Variants in CNIH3 observed in about 807,000 individuals in gnomAD.
CNIH3 encodes the protein protein cornichon homolog 3.
In CNIH3, 14 loss-of-function variants were observed where a neutral mutation model predicts 24.1. That is an observed-to-expected ratio of 0.58 (90% CI 0.38 to 0.91). The LOEUF (loss-of-function observed/expected upper bound fraction) is 0.91. Ranked by LOEUF, CNIH3 falls within the 40% of genes least tolerant of loss-of-function variation. The pLI is 0.00. For synonymous variants in CNIH3, 68 were observed against 73.8 expected (o/e 0.92, Z 0.40); for missense variants, 178 against 196.8 (o/e 0.90, Z 0.57).
chr1:224,455,029 T>C (rs1259026703), intron 1 of CNIH3, among the ~76,000 whole-genome samples: 3 of 152,158 alleles, frequency 2.0e-5, no homozygotes, highest in African/African-American at 7.2e-5. Context: ...CGAAAATGCA[T>C]TTAATCCACC....
intron 1 of CNIH3, among the ~76,000 whole-genome samples, chr1:224,667,095 T>C (rs1339256112): frequency 6.6e-6 from 1 of 152,156 alleles, no homozygotes; most frequent in Admixed American, 6.5e-5. Flanking sequence ...GCCTCATACA[T>C]AGTAAGTGCT....
intron 3 of CNIH3, among the ~76,000 whole-genome samples, chr1:224,690,093 T>C (rs994637808): frequency 2.0e-5 from 3 of 152,192 alleles, no homozygotes; most frequent in African/African-American, 7.2e-5. Flanking sequence ...TGAGCCCAAA[T>C]GATTGGTATG....
intron 1 of CNIH3, among the ~76,000 whole-genome samples, chr1:224,520,768 C>T (rs1045746296): frequency 6.6e-6 from 1 of 152,142 alleles, no homozygotes; most frequent in Non-Finnish European, 1.5e-5. Context: ...TTATTCCTTG[C>T]CTGCCACAGC....
chr1:224,471,978 G>A (rs1269864964), intron 1 of CNIH3, among the ~76,000 whole-genome samples: 2 of 152,086 alleles, frequency 1.3e-5, no homozygotes, highest in African/African-American at 2.4e-5. Flanking sequence ...TAGACACTTA[G>A]GTTGCTTCCA....
intron 1 of CNIH3, among the ~76,000 whole-genome samples, chr1:224,651,244 T>C (rs1684843188): frequency 6.6e-6 from 1 of 151,706 alleles, no homozygotes; most frequent in Non-Finnish European, 1.5e-5. Context: ...GTATGGGGAG[T>C]ATTTTCCTGA....
intron 1 of CNIH3, among the ~76,000 whole-genome samples, chr1:224,485,224 T>C (rs544802327): frequency 4.4e-4 from 67 of 152,320 alleles, no homozygotes; most frequent in Admixed American, 1.2e-3. Context: ...TCCAAGATGG[T>C]AGCTTTTCTT....
rs188075757 is a variant in CNIH3 at position 224,570,560 on chromosome 1, T to C, written n.516+4296T>C. On this transcript the variant is annotated intron_variant and non_coding_transcript_variant, in intron 4 of 5. Coordinates refer to the CNIH3 transcript ENST00000471578. ...AAGATGTCTTTTTCTTATAGACTTA[T>C]ATGACTTCTTTATGTATTTTGATAC... Among the ~76,000 whole-genome samples, 6 of 152,356 alleles carry C rather than the reference T, an allele frequency of 3.9e-5. No individual in the cohort carries two copies. In the East Asian group the frequency reaches 9.6e-4, roughly 24 times the overall value.
intron 1 of CNIH3, among the ~76,000 whole-genome samples, chr1:224,666,483 TTAA>T (rs1685602797): frequency 6.6e-6 from 1 of 152,242 alleles, no homozygotes; most frequent in African/African-American, 2.4e-5. Context: ...TAGAAGAATC[TTAA>T]TAAAGTACAT....
chr1:224,681,458 C>A (rs145379498), intron 2 of CNIH3, among the ~76,000 whole-genome samples: 6 of 152,158 alleles, frequency 3.9e-5, no homozygotes, highest in Admixed American at 3.9e-4. Context: ...AAGTCCCTGG[C>A]GCCATCCATC....
intron 3 of CNIH3, among the ~76,000 whole-genome samples, chr1:224,602,185 A>C (rs1558200000): frequency 6.6e-6 from 1 of 152,216 alleles, no homozygotes; most frequent in Non-Finnish European, 1.5e-5. Context: ...ATAACATCTT[A>C]AGTAAGTTGC....
chr1:224,682,303 C>T (rs1244548808), intron 2 of CNIH3, among the ~76,000 whole-genome samples: 3 of 152,158 alleles, frequency 2.0e-5, no homozygotes, highest in Admixed American at 1.3e-4. Flanking sequence ...AAAATGGACT[C>T]GTTTGTACAG....
At chr1:224,503,913 G>A (rs891049195) in intron 1 of CNIH3, among the ~76,000 whole-genome samples, 22 of 152,254 alleles carry the variant, frequency 1.4e-4, no homozygotes, top group Non-Finnish European at 2.6e-4. Flanking sequence ...GAGGGGTGCC[G>A]GGACAGAGAC....
intron 3 of CNIH3, among the ~76,000 whole-genome samples, chr1:224,687,043 G>A (rs894218042): frequency 2.0e-5 from 3 of 152,118 alleles, no homozygotes; most frequent in South Asian, 4.1e-4. Context: ...GCTACTCATC[G>A]TCGTGGAAAA....
At position 224,527,999 on chromosome 1, in the gene CNIH3, T is replaced by C. The variant is rs1285560178; in HGVS notation, n.343+6672T>C. 8.5e-5 allele frequency among the ~76,000 whole-genome samples: 13 copies of C among 152,298 alleles called. No individual in the cohort carries two copies. The East Asian group carries it at 1.5e-3, about 18-fold the overall frequency. ...ATCCTGGGCTGGGTGCAGTGGCTCATGCCTGTAATTCCAGCACTTTGGGAA... is the reference window on the plus strand; with the variant it reads ...ATCCTGGGCTGGGTGCAGTGGCTCACGCCTGTAATTCCAGCACTTTGGGAA... On this transcript the variant is annotated intron_variant and non_coding_transcript_variant, in intron 2 of 2. Coordinates refer to the CNIH3 transcript ENST00000470602.
intron 1 of CNIH3, among the ~76,000 whole-genome samples, chr1:224,664,008 C>T (rs185967027): frequency 1.1e-4 from 17 of 152,254 alleles, no homozygotes; most frequent in African/African-American, 2.9e-4. Context: ...AGCCAATTAC[C>T]GAGACAATGA....
intron 4 of CNIH3, among the ~76,000 whole-genome samples, chr1:224,568,828 C>G (rs1680695478): frequency 6.6e-6 from 1 of 152,084 alleles, no homozygotes; most frequent in Non-Finnish European, 1.5e-5. Context: ...TAGAATCTGT[C>G]TTCTTCCCTT....
At chr1:224,669,302 C>T (rs530488517) in intron 1 of CNIH3, among the ~76,000 whole-genome samples, 10 of 152,268 alleles carry the variant, frequency 6.6e-5, no homozygotes, top group East Asian at 5.8e-4. Context: ...TTCTGGCACA[C>T]GATGGCAAAT....
At chr1:224,687,312 G>A (rs1203809207) in intron 3 of CNIH3, among the ~76,000 whole-genome samples, 1 of 152,194 alleles carries the variant, frequency 6.6e-6, no homozygotes, top group East Asian at 1.9e-4. Context: ...ACTCACTGCA[G>A]CCTTGAACTC....
chr1:224,563,694 G>T (rs913513550), intron 3 of CNIH3, among the ~76,000 whole-genome samples: 1 of 152,196 alleles, frequency 6.6e-6, no homozygotes, highest in Non-Finnish European at 1.5e-5. Context: ...CAGATGTTGT[G>T]TCTTAGGGAA....
Sources: gnomAD v4.1 joint callset for allele counts (sites outside exome capture counted in the v4.1 genomes callset) on GRCh38, gnomAD v4.1.1 for gene constraint, MANE v1.5 for transcripts, NCBI Gene and HGNC (gene_info 2026-07-23, HGNC 2026-07-21) for gene names.